Variants in PPP4R1 observed in about 807,000 individuals in gnomAD.
PPP4R1 encodes serine/threonine-protein phosphatase 4 regulatory subunit 1.
A neutral mutation model predicts 111.2 loss-of-function variants in PPP4R1; 42 were observed. The ratio of observed to expected loss-of-function variants is 0.38; its 90% CI spans 0.29 to 0.49. PPP4R1 has a LOEUF of 0.49. PPP4R1 is among the 20% of genes least tolerant of loss of function. The pLI, the probability that PPP4R1 is intolerant of heterozygous loss-of-function variation, is 0.97. For synonymous variants in PPP4R1, 409 were observed against 405.5 expected, an observed-to-expected ratio of 1.01 and a Z score of -0.10; for missense variants, 1,012 against 1,161.6, an observed-to-expected ratio of 0.87 and a Z score of 1.87.
chr18:9,584,633 T>A, intron 7 of PPP4R1, 53 bp from the exon 8 acceptor site: 1 of 1,604,500 alleles, frequency 6.2e-7, no homozygotes, highest in Non-Finnish European at 8.5e-7. Context: ...AAGGTTCTTC[T>A]AAGATAATCT....
intron 10 of PPP4R1, among the ~76,000 whole-genome samples, chr18:9,571,344 T>C (rs868005520): frequency 3.3e-5 from 5 of 152,250 alleles, no homozygotes; most frequent in African/African-American, 9.6e-5. Context: ...TTCATTAAAG[T>C]CCACTGATTA....
intron 15 of PPP4R1, among the ~76,000 whole-genome samples, chr18:9,554,864 A>G (rs911170402): frequency 6.6e-6 from 1 of 152,252 alleles, no homozygotes; most frequent in Non-Finnish European, 1.5e-5. Context: ...GTCAAATTTG[A>G]TGCTCAAAAC....
chr18:9,552,543 A>C (rs1249915419), intron 16 of PPP4R1, among the ~76,000 whole-genome samples: 1 of 152,250 alleles, frequency 6.6e-6, no homozygotes, highest in African/African-American at 2.4e-5. Context: ...AGACAGAGAA[A>C]CTGGAACTCC....
intron 6 of PPP4R1, 38 bp from the exon 7 acceptor site, chr18:9,584,866 A>T: frequency 1.4e-6 from 2 of 1,445,004 alleles, no homozygotes; most frequent in South Asian, 1.2e-5. Context: ...TGAAAATATC[A>T]AGTAAGCCTC....
rs2066978215 is a variant in PPP4R1, at chr18:9,578,715, T to A, written c.919-1524A>T. Among the ~76,000 whole-genome samples the A allele has an allele frequency of 2.0e-5, 3 of 152,198 alleles. No homozygotes were observed. In the South Asian group the frequency reaches 6.2e-4, roughly 31 times the overall value. On this transcript the variant is annotated intron_variant, in intron 9 of 19. Transcript: ENST00000400556. ...ATAAAAAATGACTCAATTGATTTTT[T>A]AAAAAGGCTAGAATTATATGCATGA...
At chr18:9,587,346 T>C (rs1033744232) in intron 6 of PPP4R1, 3 of 152,142 alleles carry the variant, frequency 2.0e-5, no homozygotes, top group African/African-American at 7.2e-5. Flanking sequence ...AATTTAATGA[T>C]TTGTGGCAAC....
At chr18:9,558,189 C>A (rs976192624) in intron 14 of PPP4R1, among the ~76,000 whole-genome samples, 1 of 152,080 alleles carries the variant, frequency 6.6e-6, no homozygotes, top group Non-Finnish European at 1.5e-5. Context: ...CCTTTCCCTT[C>A]CCCCCAGAAT....
intron 8 of PPP4R1, among the ~76,000 whole-genome samples, 155 bp from the exon 9 acceptor site, chr18:9,583,430 G>A (rs329035): frequency 0.8 from 121,359 of 152,164 alleles, 48,519 homozygotes; most frequent in Non-Finnish European, 0.81. Context: ...GAGGTGGTGC[G>A]ATCTTGGCTC....
chr18:9,595,923 T>C (rs940356667), intron 2 of PPP4R1, among the ~76,000 whole-genome samples: 1 of 152,184 alleles, frequency 6.6e-6, no homozygotes, highest in Non-Finnish European at 1.5e-5. Context: ...AACTGAAAGG[T>C]GCCCACTGAA....
At chr18:9,584,444 G>T in intron 8 of PPP4R1, 71 bp downstream of exon 8, 1 of 1,308,836 alleles carries the variant, frequency 7.6e-7, no homozygotes, top group Non-Finnish European at 1.0e-6. Flanking sequence ...TGGAGTAAAT[G>T]TGTGCATTTC....
chr18:9,578,827 T>C (rs2145163843), intron 9 of PPP4R1, among the ~76,000 whole-genome samples: 1 of 152,296 alleles, frequency 6.6e-6, no homozygotes, highest in South Asian at 2.1e-4. Flanking sequence ...TATGGAAACA[T>C]TACTTCCATA....
chr18:9,592,881 A>G (rs1008165668), intron 4 of PPP4R1, among the ~76,000 whole-genome samples: 3 of 152,200 alleles, frequency 2.0e-5, no homozygotes, highest in South Asian at 2.1e-4. Flanking sequence ...ACCATTCTAG[A>G]ACAAGCACAT....
chr18:9,589,801 G>C (rs758894446), intron 4 of PPP4R1: 4 of 152,420 alleles, frequency 2.6e-5, no homozygotes, highest in Non-Finnish European at 4.4e-5. Context: ...CAGAGGCTGA[G>C]ACAGTAGAAT....
intron 3 of PPP4R1, 41 bp from the exon 4 acceptor site, chr18:9,593,915 A>G (rs1469550099): frequency 6.8e-7 from 1 of 1,474,756 alleles, no homozygotes; most frequent in Non-Finnish European, 9.4e-7. Flanking sequence ...CAATGGCATC[A>G]ATAGCTAATA....
At position 9,577,225 on chromosome 18, in the gene PPP4R1, C is replaced by A. The variant is rs538680224; in HGVS notation, c.919-34G>T. 6 of 1,575,394 alleles carry A rather than the reference C, an allele frequency of 3.8e-6. No individual in the cohort carries two copies. In the East Asian group the frequency reaches 1.3e-4, roughly 35 times the overall value. On this transcript the variant is annotated intron_variant, in intron 9 of 19. Coordinates refer to ENST00000400556, the MANE Select transcript of PPP4R1 (RefSeq NM_001042388.3). ...ATAAAAAGGACAATAATAAAGGAAT[C>A]ATTTTGAAAAAGAATTATATACGCA...
At chr18:9,602,147 C>T (rs1050112340) in intron 2 of PPP4R1, among the ~76,000 whole-genome samples, 1 of 152,126 alleles carries the variant, frequency 6.6e-6, no homozygotes. Context: ...TTGCAGTTCC[C>T]TGAATCTAAC....
At chr18:9,588,062 T>C in intron 6 of PPP4R1, 27 bp downstream of exon 6, 8 of 1,613,080 alleles carry the variant, frequency 5.0e-6, no homozygotes, top group Non-Finnish European at 6.8e-6. Context: ...ACATTTTGCA[T>C]AAGTGGAAAA....
intron 11 of PPP4R1, among the ~76,000 whole-genome samples, chr18:9,564,347 A>G (rs923747497): frequency 6.6e-6 from 1 of 152,244 alleles, no homozygotes; most frequent in Non-Finnish European, 1.5e-5. Flanking sequence ...ATTTTAAACA[A>G]AACAATCAGT....
chr18:9,571,001 T>C (rs1005837277), intron 10 of PPP4R1, among the ~76,000 whole-genome samples: 1 of 152,288 alleles, frequency 6.6e-6, no homozygotes, highest in East Asian at 1.9e-4. Flanking sequence ...TAAAGAAAAG[T>C]AGTGGAAACA....
Sources: allele counts gnomAD v4.1 joint callset (sites outside exome capture counted in the v4.1 genomes callset), GRCh38; gene constraint gnomAD v4.1.1; transcripts MANE v1.5; gene names NCBI Gene and HGNC (gene_info 2026-07-23, HGNC 2026-07-21).